Variants in FAP observed in about 807,000 individuals in gnomAD.
FAP encodes the protein fibroblast activation protein alpha.
In FAP, 110 loss-of-function variants were observed where a neutral mutation model predicts 126.5. The observed-to-expected ratio is 0.87, with a 90% CI of 0.74 to 1.02. FAP has a LOEUF of 1.02. Among genes scored for constraint, FAP ranks in the 50% least tolerant of loss-of-function variants. FAP has a pLI of 0.00. For synonymous variants in FAP, 334 were observed against 297.3 expected (o/e 1.12, Z -1.27); for missense variants, 919 against 909.2 (o/e 1.01, Z -0.14).
At chr2:162,175,109 C>T (rs1687438885) in intron 21 of FAP, 143 bp from the exon 22 acceptor site, 1 of 574,110 alleles carries the variant, frequency 1.7e-6, no homozygotes, top group East Asian at 3.0e-5. Flanking sequence ...ATCTTGCATC[C>T]TCGGCAGCAA....
At chr2:162,236,122 T>C (rs1225389523) in intron 2 of FAP, among the ~76,000 whole-genome samples, 2 of 152,232 alleles carry the variant, frequency 1.3e-5, no homozygotes, top group Admixed American at 1.3e-4. Context: ...TTTCAAATGA[T>C]AAACCAACCT....
At chr2:162,172,119 C>G (rs1687326094) in intron 25 of FAP, 1 of 152,052 alleles carries the variant, frequency 6.6e-6, no homozygotes, top group African/African-American at 2.4e-5. Flanking sequence ...AGATGGGGGT[C>G]TCCTTTTCGG....
intron 2 of FAP, among the ~76,000 whole-genome samples, chr2:162,228,690 T>C (rs1368037452): frequency 3.9e-5 from 6 of 152,220 alleles, no homozygotes; most frequent in African/African-American, 1.4e-4. Flanking sequence ...TTATTTGTAA[T>C]GAAATATCTT....
intron 20 of FAP, 49 bp from the exon 21 acceptor site, chr2:162,183,517 C>T (rs1282534447): frequency 2.0e-6 from 2 of 1,015,778 alleles, no homozygotes; most frequent in Non-Finnish European, 3.1e-6. Context: ...ATACACATGA[C>T]ATTTACTTCA....
intron 6 of FAP, chr2:162,221,671 A>C: frequency 1.5e-5 from 7 of 456,730 alleles, no homozygotes; most frequent in Non-Finnish European, 3.1e-5. Context: ...CACTAAGCTA[A>C]AAATCTCAGC....
rs560945220 is a variant in FAP, at chr2:162,187,401, C to T, written c.1814+768G>A. Among the ~76,000 whole-genome samples the T allele has an allele frequency of 7.9e-5, 12 of 152,094 alleles. No homozygotes were observed. The South Asian group carries it at 1.0e-3, about 13-fold the overall frequency. ...ATTAGCCTGCTACCTTTTAAATTTA[C>T]GAACTATTATTCTTAGCTTCACCTA... On this transcript the variant is annotated intron_variant, in intron 20 of 25. Transcript: ENST00000188790.
intron 21 of FAP, among the ~76,000 whole-genome samples, chr2:162,178,624 C>A (rs374121077): frequency 6.6e-6 from 1 of 152,112 alleles, no homozygotes; most frequent in African/African-American, 2.4e-5. Context: ...AAAACCAGGG[C>A]TAGTGGGCTT....
At chr2:162,208,330 TTAGTGCAA>T (rs994116252) in intron 12 of FAP, among the ~76,000 whole-genome samples, 6 of 152,216 alleles carry the variant, frequency 3.9e-5, no homozygotes, top group African/African-American at 1.2e-4. Flanking sequence ...GAATGCAAGT[TTAGTGCAA>T]TACAGATTTT....
At chr2:162,176,413 A>G (rs890729537) in intron 21 of FAP, 1 of 152,176 alleles carries the variant, frequency 6.6e-6, no homozygotes, top group African/African-American at 2.4e-5. Flanking sequence ...GCCTCTTTTT[A>G]TTATACTTGG....
chr2:162,213,641 G>C, intron 11 of FAP, among the ~76,000 whole-genome samples: 1 of 151,934 alleles, frequency 6.6e-6, no homozygotes, highest in Non-Finnish European at 1.5e-5. Context: ...TAATCTCAAA[G>C]GGCTGGTTTA....
In FAP at chr2:162,202,935, G is replaced by A; in HGVS notation, c.1160C>T (p.Ala387Val). ...IHYIKDTVEN[A>V]IQITSGKWEA... is the part of the protein sequence containing the mutation. ...CCACTTGCCACTTGTAATTTGAATA[G>A]CATTTTCCTATAAAAAGACAAACAT... Residue 387 changes from alanine to valine, a missense_variant, in exon 14 of 26, where the codon GCT (alanine) becomes GTT (valine). Transcript: ENST00000188790. 6.2e-7 allele frequency: 1 copy of A among 1,613,046 alleles called. No individual in the cohort carries two copies. The highest frequency in any genetic ancestry group is 8.5e-7 in the Non-Finnish European group (1 of 1,179,066).
Position 162,218,113 on chromosome 2 carries a change from A to C in FAP, c.635T>G (p.Leu212Arg), listed in dbSNP as rs1420061264. The change falls in exon 9 of 26, where the codon CTC becomes CGC. Residue 212 changes from leucine to arginine, a missense_variant. Transcript: ENST00000188790. ...EEEMLATKYA[L>R]WWSPNGKFLA... ...AAATTTTCCATTAGGAGACCACCAG[A>C]GAGCATATTTTGTAGCAAGCATTTC... The C allele has an allele frequency of 2.5e-6, 4 of 1,607,958 alleles. No individual in the cohort carries two copies. Among genetic ancestry groups the C allele is most frequent in the Admixed American group, 1.7e-5 (1 of 59,020 alleles).
rs1184511584 is a variant in FAP at position 162,212,927 on chromosome 2, C to T, written c.1002+1011G>A. Among the ~76,000 whole-genome samples, 12 of 152,242 alleles carry T rather than the reference C, an allele frequency of 7.9e-5. 1 individual carries two copies. The highest frequency in any genetic ancestry group is 4.4e-5 in the Non-Finnish European group (3 of 67,986). On this transcript the variant is annotated intron_variant, in intron 11 of 25. Transcript: ENST00000188790. Reference sequence around the variant, plus strand: ...TATGTTTGAGTTTGAGTAATAGAAACAATTAAAACTCAACAATAAATCTGT... The same window carrying T: ...TATGTTTGAGTTTGAGTAATAGAAATAATTAAAACTCAACAATAAATCTGT...
intron 2 of FAP, among the ~76,000 whole-genome samples, chr2:162,236,134 G>A (rs1690120149): frequency 1.3e-5 from 2 of 152,048 alleles, no homozygotes; most frequent in South Asian, 2.1e-4. Context: ...AACCAACCTT[G>A]TATTCTTGGG....
intron 2 of FAP, among the ~76,000 whole-genome samples, chr2:162,236,363 T>C (rs2106302804): frequency 6.6e-6 from 1 of 152,296 alleles, no homozygotes; most frequent in East Asian, 1.9e-4. Context: ...AAAACGTTTG[T>C]GAAGAATTTG....
intron 17 of FAP, among the ~76,000 whole-genome samples, chr2:162,190,559 A>C (rs530181858): frequency 3.7e-4 from 57 of 152,274 alleles, no homozygotes; most frequent in Admixed American, 3.4e-3. Flanking sequence ...TTGGTAATAC[A>C]TGCAAATAGG....
chr2:162,203,578 TG>T (rs1403593960), intron 12 of FAP, among the ~76,000 whole-genome samples: 1 of 152,184 alleles, frequency 6.6e-6, no homozygotes, highest in African/African-American at 2.4e-5. Context: ...GCAATATCAA[TG>T]ATTCAATGAA....
intron 11 of FAP, among the ~76,000 whole-genome samples, chr2:162,213,209 C>A (rs1224454926): frequency 6.6e-6 from 1 of 151,682 alleles, no homozygotes; most frequent in Non-Finnish European, 1.5e-5. Flanking sequence ...AACCCCGTGT[C>A]TACTAAAAAT....
chr2:162,241,102 G>A (rs1044445844), intron 2 of FAP, among the ~76,000 whole-genome samples: 2 of 152,168 alleles, frequency 1.3e-5, no homozygotes, highest in Non-Finnish European at 2.9e-5. Context: ...GAAAGAGAAT[G>A]ATATAATGAA....
Sources: gnomAD v4.1 joint callset for allele counts (sites outside exome capture counted in the v4.1 genomes callset) on GRCh38, gnomAD v4.1.1 for gene constraint, MANE v1.5 for transcripts, NCBI Gene and HGNC (gene_info 2026-07-23, HGNC 2026-07-21) for gene names.